Variants in NAALADL2 observed in about 807,000 individuals in gnomAD.
NAALADL2 encodes the protein N-acetylated alpha-linked acidic dipeptidase like 2.
In NAALADL2, 76 loss-of-function variants were observed where a neutral mutation model predicts 87.2. The observed-to-expected ratio is 0.87, with a 90% CI of 0.72 to 1.05. The LOEUF (loss-of-function observed/expected upper bound fraction) is 1.05. Among genes scored for constraint, NAALADL2 ranks in the 50% least tolerant of loss-of-function variants. The pLI, the probability that NAALADL2 is intolerant of heterozygous loss-of-function variation, is 0.00. For synonymous variants in NAALADL2, 354 were observed against 331.0 expected (o/e 1.07, Z -0.75); for missense variants, 1,089 against 945.8 (o/e 1.15, Z -1.99).
At chr3:174,837,081 A>T (rs940367099) in intron 3 of NAALADL2, among the ~76,000 whole-genome samples, 2 of 152,206 alleles carry the variant, frequency 1.3e-5, no homozygotes, top group Admixed American at 6.5e-5. Context: ...GGTCACACTT[A>T]AGGAACTAGA....
chr3:175,675,971 C>A (rs1734715906), intron 11 of NAALADL2: 1 of 152,076 alleles, frequency 6.6e-6, no homozygotes, highest in African/African-American at 2.4e-5. Context: ...TTCAGGAAAT[C>A]TTCAGCAAGC....
At chr3:175,412,891 T>TTATTATTATTATTA (rs1553887808) in intron 5 of NAALADL2, among the ~76,000 whole-genome samples, 6 of 123,012 alleles carry the variant, frequency 4.9e-5, no homozygotes, top group East Asian at 2.4e-4. Flanking sequence ...ATTTAATTTA[T>TTATTATTATTATTA]TTATTATTAT....
At chr3:175,749,987 G>C (rs150699544) in intron 12 of NAALADL2, among the ~76,000 whole-genome samples, 4 of 152,114 alleles carry the variant, frequency 2.6e-5, no homozygotes, top group East Asian at 1.9e-4. Context: ...CACTTTAGAG[G>C]CTACTCCACA....
At chr3:174,789,793 A>G in intron 3 of NAALADL2, among the ~76,000 whole-genome samples, 1 of 152,188 alleles carries the variant, frequency 6.6e-6, no homozygotes, top group East Asian at 1.9e-4. Context: ...TGGCTAAGTG[A>G]AGTAAACCAT....
At chr3:174,568,342 C>T (rs1714533348) in intron 2 of NAALADL2, among the ~76,000 whole-genome samples, 1 of 151,756 alleles carries the variant, frequency 6.6e-6, no homozygotes, top group Non-Finnish European at 1.5e-5. Flanking sequence ...AGTGGAATAG[C>T]AACTCAGTTT....
At chr3:174,752,066 C>T (rs1230778322) in intron 3 of NAALADL2, among the ~76,000 whole-genome samples, 1 of 152,026 alleles carries the variant, frequency 6.6e-6, no homozygotes, top group African/African-American at 2.4e-5. Flanking sequence ...CAAGCTCTGC[C>T]TCCCGGGTTC....
At chr3:174,452,674 C>A (rs1446488410) in intron 1 of NAALADL2, among the ~76,000 whole-genome samples, 3 of 151,996 alleles carry the variant, frequency 2.0e-5, no homozygotes, top group African/African-American at 4.8e-5. Context: ...TAGTCTCAGC[C>A]CCTTAAAATC....
chr3:174,694,337 A>T (rs1017777201), intron 2 of NAALADL2, among the ~76,000 whole-genome samples: 2 of 152,096 alleles, frequency 1.3e-5, no homozygotes, highest in African/African-American at 4.8e-5. Flanking sequence ...AGAGGGTCAT[A>T]GATGGACCTG....
intron 13 of NAALADL2, among the ~76,000 whole-genome samples, chr3:175,781,327 T>G (rs1388720483): frequency 6.6e-6 from 1 of 152,164 alleles, no homozygotes; most frequent in African/African-American, 2.4e-5. Context: ...GGGCCACATA[T>G]ACTATAGTGG....
chr3:174,799,411 A>T (rs1389193983), intron 3 of NAALADL2, among the ~76,000 whole-genome samples: 1 of 152,086 alleles, frequency 6.6e-6, no homozygotes, highest in African/African-American at 2.4e-5. Context: ...TGTTCTCATC[A>T]TAGTGAATAA....
intron 1 of NAALADL2, among the ~76,000 whole-genome samples, chr3:174,970,019 C>T (rs1743409929): frequency 6.6e-6 from 1 of 152,072 alleles, no homozygotes; most frequent in Admixed American, 6.6e-5. Flanking sequence ...TTTGTCATTT[C>T]TTTCTCTTCA....
At chr3:175,338,307 G>A (rs947840126) in intron 5 of NAALADL2, among the ~76,000 whole-genome samples, 4 of 151,976 alleles carry the variant, frequency 2.6e-5, no homozygotes, top group Non-Finnish European at 1.5e-5. Context: ...GTTCATATTC[G>A]ATTTTAAATT....
At chr3:174,811,727 G>A (rs2109297839) in intron 3 of NAALADL2, among the ~76,000 whole-genome samples, 1 of 152,264 alleles carries the variant, frequency 6.6e-6, no homozygotes, top group Admixed American at 6.5e-5. Context: ...ATTTTGCAAT[G>A]TGAGAAGGAC....
intron 2 of NAALADL2, among the ~76,000 whole-genome samples, chr3:175,223,757 A>C (rs2109372482): frequency 6.6e-6 from 1 of 152,342 alleles, no homozygotes; most frequent in East Asian, 1.9e-4. Context: ...TTATAAGTCC[A>C]ACCATAAAAT....
At chr3:174,743,575 C>T (rs1733962024) in intron 3 of NAALADL2, among the ~76,000 whole-genome samples, 2 of 151,850 alleles carry the variant, frequency 1.3e-5, no homozygotes, top group East Asian at 3.9e-4. Context: ...TCTTTCTTTT[C>T]TAGATTCCAT....
At chr3:174,854,881 A>C (rs1026072860), upstream of NAALADL2, among the ~76,000 whole-genome samples, 1 of 118,604 alleles carries the variant, frequency 8.4e-6, no homozygotes, top group Non-Finnish European at 1.6e-5. Flanking sequence ...CTTGTTGCCC[A>C]GGCTGAAGTA....
intron 1 of NAALADL2, among the ~76,000 whole-genome samples, chr3:174,895,052 G>A (rs1731336327): frequency 6.6e-6 from 1 of 152,058 alleles, no homozygotes; most frequent in Non-Finnish European, 1.5e-5. Context: ...TAAGCTTATA[G>A]CTTTAAGTGC....
intron 1 of NAALADL2, among the ~76,000 whole-genome samples, chr3:174,878,484 T>C (rs1728794327): frequency 6.6e-6 from 1 of 152,082 alleles, no homozygotes; most frequent in South Asian, 2.1e-4. Context: ...AAAACCTACA[T>C]GTTTTGGATT....
intron 3 of NAALADL2, among the ~76,000 whole-genome samples, chr3:174,770,693 A>C (rs370199842): frequency 2.2e-4 from 33 of 152,058 alleles, no homozygotes; most frequent in African/African-American, 7.7e-4. Context: ...ACAAAAAATT[A>C]GCTGGGCTTG....
Sources: allele counts gnomAD v4.1 joint callset (sites outside exome capture counted in the v4.1 genomes callset), GRCh38; gene constraint gnomAD v4.1.1; transcripts MANE v1.5; gene names NCBI Gene and HGNC (gene_info 2026-07-23, HGNC 2026-07-21).